The following TRIM35 variants were observed in gnomAD, a reference collection of about 807,000 sequenced individuals.
The protein encoded by TRIM35 is tripartite motif containing 35.
A neutral mutation model predicts 49.1 loss-of-function variants in TRIM35; 37 were observed. That is an observed-to-expected ratio of 0.75 (90% CI 0.58 to 0.99). The LOEUF is 0.99. TRIM35 is among the 50% of genes least tolerant of loss of function. The pLI is 0.00. For synonymous variants in TRIM35, 302 were observed against 289.3 expected (o/e 1.04, Z -0.45); for missense variants, 648 against 702.7 (o/e 0.92, Z 0.88).
Position 27,295,759 on chromosome 8 carries a change from G to T in TRIM35, c.532-1449C>A, listed in dbSNP as rs575879022. Among the ~76,000 whole-genome samples the T allele has an allele frequency of 4.6e-5, 7 of 152,192 alleles. No homozygotes were observed. The South Asian group carries it at 1.5e-3, about 32-fold the overall frequency. ...CCACAGTAAAGTCAAAAAATCATAA[G>T]CCAGGGACTGTGTGTATGTTTACAG... On this transcript the variant is annotated intron_variant, in intron 2 of 5. Coordinates refer to ENST00000305364, the MANE Select transcript of TRIM35 (RefSeq NM_171982.5).
chr8:27,290,809 C>G (rs1802437367), intron 3 of TRIM35, among the ~76,000 whole-genome samples: 1 of 152,066 alleles, frequency 6.6e-6, no homozygotes, highest in African/African-American at 2.4e-5. Context: ...TAGCCAAAAC[C>G]ATCTTGAAAA....
At position 27,295,222 on chromosome 8, in the gene TRIM35, G is replaced by A. The variant is rs79800568; in HGVS notation, c.532-912C>T. 4.5e-3 allele frequency among the ~76,000 whole-genome samples: 687 copies of A among 152,218 alleles called. 6 individuals carry two copies. Among genetic ancestry groups the A allele is most frequent in the East Asian group, 0.036 (188 of 5,180 alleles). On this transcript the variant is annotated intron_variant, in intron 2 of 5. Coordinates refer to ENST00000305364, the MANE Select transcript of TRIM35 (RefSeq NM_171982.5). ...GCTTGGAATAAGAAAGACATTCCTC[G>A]GCACAGTATGAAACTGAGAAGCCTT...
chr8:27,295,798 C>T (rs554252995), intron 2 of TRIM35, among the ~76,000 whole-genome samples: 18 of 151,730 alleles, frequency 1.2e-4, no homozygotes, highest in Non-Finnish European at 2.1e-4. Context: ...TGAAAATATA[C>T]GAAAAGGATT....
chr8:27,287,485 G>T lies in TRIM35; in HGVS notation c.*65C>A. The T allele has an allele frequency of 6.9e-7, 1 of 1,458,034 alleles. No individual in the cohort carries two copies. Among genetic ancestry groups the T allele is most frequent in the Non-Finnish European group, 9.2e-7 (1 of 1,092,204 alleles). The allele number at this position is 1,458,034 out of a possible 1,614,324, so 90.3% of individuals were successfully genotyped here. On this transcript the variant is annotated 3_prime_UTR_variant, in exon 6 of 6. Transcript: ENST00000305364. This position sits in a 1 kb window ranked among gnomAD's most constrained non-coding sequence, Gnocchi z 6.0. ...GCGCAATAGTGCCCAAGCAGTGTGG[G>T]CATTAGGAAGAGGGCAGAAAGAAAA...
intron 1 of TRIM35, among the ~76,000 whole-genome samples, chr8:27,308,703 G>A (rs1355758624): frequency 6.6e-6 from 1 of 152,148 alleles, no homozygotes; most frequent in Non-Finnish European, 1.5e-5. Flanking sequence ...TGAGTGATTT[G>A]CACCCTGCAT....
chr8:27,294,416 T>C, intron 2 of TRIM35, 106 bp from the exon 3 acceptor site: 1 of 1,024,036 alleles, frequency 9.8e-7, no homozygotes, highest in Non-Finnish European at 1.4e-6. Context: ...AAATAAATCA[T>C]GTATAGAACC....
At chr8:27,310,516 C>T (rs950772721) in intron 1 of TRIM35, among the ~76,000 whole-genome samples, 3 of 152,276 alleles carry the variant, frequency 2.0e-5, no homozygotes, top group African/African-American at 7.2e-5. Context: ...ACAAGGGGTG[C>T]ATGGCCTGGG....
At chr8:27,301,042 T>C (rs1425852901) in intron 1 of TRIM35, among the ~76,000 whole-genome samples, 1 of 152,206 alleles carries the variant, frequency 6.6e-6, no homozygotes, top group African/African-American at 2.4e-5. Flanking sequence ...CTCAAACTTT[T>C]CAATCACTTG....
chr8:27,298,398 C>G, intron 2 of TRIM35, 66 bp downstream of exon 2: 1 of 1,504,436 alleles, frequency 6.6e-7, no homozygotes, highest in Non-Finnish European at 9.2e-7. Context: ...GCTGACACAT[C>G]TTCACTCCTC....
At position 27,311,257 on chromosome 8, in the gene TRIM35, C is replaced by T; in HGVS notation, c.-22G>A. Reference sequence around the variant, plus strand: ...CCATGGCACGAGCAGCCGGCTCGGGCGCCCGGAACTTTTGCTCCGGCCCCT... The same window carrying T: ...CCATGGCACGAGCAGCCGGCTCGGGTGCCCGGAACTTTTGCTCCGGCCCCT... On this transcript the variant is annotated 5_prime_UTR_variant, in exon 1 of 6. Coordinates refer to ENST00000305364, the MANE Select transcript of TRIM35 (RefSeq NM_171982.5). The T allele has an allele frequency of 2.7e-6, 4 of 1,481,368 alleles. No individual in the cohort carries two copies. The highest frequency in any genetic ancestry group is 3.6e-6 in the Non-Finnish European group (4 of 1,114,238). The allele number at this position is 1,481,368 out of a possible 1,614,324, so 91.8% of individuals were successfully genotyped here. A position where few individuals can be genotyped will look rare whatever the true frequency, so the allele number is the denominator to read the frequency against.
intron 2 of TRIM35, among the ~76,000 whole-genome samples, chr8:27,295,819 A>G (rs1802554415): frequency 6.6e-6 from 1 of 152,240 alleles, no homozygotes; most frequent in Admixed American, 6.5e-5. Context: ...CACTGAAAAA[A>G]TGAAAATGGC....
At chr8:27,290,271 G>T in intron 3 of TRIM35, 93 bp from the exon 4 acceptor site, 1 of 1,211,858 alleles carries the variant, frequency 8.3e-7, no homozygotes, top group Non-Finnish European at 1.2e-6. Context: ...GCATTCCATG[G>T]ATCATAAGTC....
intron 1 of TRIM35, among the ~76,000 whole-genome samples, chr8:27,304,325 C>A (rs1217068259): frequency 6.6e-6 from 1 of 152,248 alleles, no homozygotes; most frequent in African/African-American, 2.4e-5. Flanking sequence ...CTCTGTCTGG[C>A]CTGAGCCAGG....
At chr8:27,297,239 C>T (rs1802588370) in intron 2 of TRIM35, among the ~76,000 whole-genome samples, 1 of 152,188 alleles carries the variant, frequency 6.6e-6, no homozygotes. Context: ...CCGCAGGCTC[C>T]TGAGGACAGC....
At chr8:27,302,646 G>A (rs752186302) in intron 1 of TRIM35, among the ~76,000 whole-genome samples, 6 of 152,060 alleles carry the variant, frequency 3.9e-5, no homozygotes, top group Non-Finnish European at 8.8e-5. Context: ...TGGCTCAAAC[G>A]ATCCTCCTGC....
intron 2 of TRIM35, among the ~76,000 whole-genome samples, chr8:27,297,200 C>G (rs2130287326): frequency 6.6e-6 from 1 of 152,320 alleles, no homozygotes; most frequent in African/African-American, 2.4e-5. Flanking sequence ...TGGGACTAAT[C>G]CTCACCTATG....
chr8:27,287,484 G>A lies in TRIM35; in HGVS notation c.*66C>T. 2 of 1,455,968 alleles carry A rather than the reference G, an allele frequency of 1.4e-6. No homozygotes were observed. Among genetic ancestry groups the A allele is most frequent in the Non-Finnish European group, 9.2e-7 (1 of 1,091,082 alleles). 90.2% of individuals were successfully genotyped at this position (1,455,968 alleles called of 1,614,324 possible). A position where few individuals can be genotyped will look rare whatever the true frequency, so the allele number is the denominator to read the frequency against. Reference sequence around the variant, plus strand: ...GGCGCAATAGTGCCCAAGCAGTGTGGGCATTAGGAAGAGGGCAGAAAGAAA... The same window carrying A: ...GGCGCAATAGTGCCCAAGCAGTGTGAGCATTAGGAAGAGGGCAGAAAGAAA... On this transcript the variant is annotated 3_prime_UTR_variant, in exon 6 of 6. Coordinates refer to ENST00000305364, the MANE Select transcript of TRIM35 (RefSeq NM_171982.5). This position sits in a 1 kb window ranked among gnomAD's most constrained non-coding sequence, Gnocchi z 6.0.
chr8:27,308,555 C>A (rs114944551), intron 1 of TRIM35, among the ~76,000 whole-genome samples: 5 of 152,158 alleles, frequency 3.3e-5, no homozygotes, highest in African/African-American at 7.2e-5. Flanking sequence ...ACCGCTCCCC[C>A]ACAACCACCT....
intron 2 of TRIM35, among the ~76,000 whole-genome samples, chr8:27,295,829 C>G (rs1255745705): frequency 6.6e-6 from 1 of 151,786 alleles, no homozygotes; most frequent in Non-Finnish European, 1.5e-5. Flanking sequence ...ATGAAAATGG[C>G]CAAAAAAATT....
Sources: allele counts gnomAD v4.1 joint callset (sites outside exome capture counted in the v4.1 genomes callset), GRCh38; gene constraint gnomAD v4.1.1; non-coding constraint Gnocchi (gnomAD v3.1); transcripts MANE v1.5; gene names NCBI Gene and HGNC (gene_info 2026-07-23, HGNC 2026-07-21).